SACM1L: variants seen among roughly 807,000 people sequenced by gnomAD.
SACM1L encodes SAC1 like phosphatidylinositide phosphatase, also known as phosphatidylinositol-3-phosphatase SAC1.
Under a neutral mutation model 89.5 loss-of-function variants are expected in SACM1L, and 32 were observed. That is an observed-to-expected ratio of 0.36 (90% CI 0.27 to 0.48). The LOEUF (loss-of-function observed/expected upper bound fraction) is 0.48, where lower values mean the gene tolerates loss of function less well. Among genes scored for constraint, SACM1L ranks in the 20% least tolerant of loss-of-function variants. The pLI is 0.99. For missense variants in SACM1L, 543 were observed against 708.5 expected (o/e 0.77, Z 2.65); for synonymous variants, 213 against 232.8 (o/e 0.92, Z 0.77).
chr3:45,704,424 A>G (rs1428732303), intron 2 of SACM1L, among the ~76,000 whole-genome samples: 2 of 152,084 alleles, frequency 1.3e-5, no homozygotes, highest in South Asian at 2.1e-4. Flanking sequence ...TACTATATAT[A>G]GTTTGTCTTT....
chr3:45,702,970 C>G (rs1443492185), intron 1 of SACM1L, among the ~76,000 whole-genome samples: 1 of 152,128 alleles, frequency 6.6e-6, no homozygotes, highest in Non-Finnish European at 1.5e-5. Flanking sequence ...GCTTACTATG[C>G]GTCAGATGTT....
At chr3:45,717,420 A>T (rs1698687031) in intron 7 of SACM1L, among the ~76,000 whole-genome samples, 1 of 152,218 alleles carries the variant, frequency 6.6e-6, no homozygotes, top group Non-Finnish European at 1.5e-5. Flanking sequence ...ATGTGATGAA[A>T]CTAAAAAGAT....
At chr3:45,698,621 G>A (rs1335517602) in intron 1 of SACM1L, among the ~76,000 whole-genome samples, 1 of 152,166 alleles carries the variant, frequency 6.6e-6, no homozygotes. Flanking sequence ...CGCAATCTCT[G>A]CTCACTGCAA....
intron 5 of SACM1L, among the ~76,000 whole-genome samples, chr3:45,710,625 A>G (rs917157374): frequency 8.6e-5 from 13 of 151,188 alleles, no homozygotes; most frequent in African/African-American, 3.2e-4. Flanking sequence ...TTTTTGACAC[A>G]CCTTAGAAGT....
intron 6 of SACM1L, chr3:45,713,661 A>G (rs1189318558): frequency 6.1e-6 from 1 of 164,030 alleles, no homozygotes; most frequent in African/African-American, 2.4e-5. Context: ...ATATTATTGA[A>G]TCTAGGTAAA....
chr3:45,703,505 G>T lies in SACM1L; in HGVS notation c.100G>T (p.Asp34Tyr). 6.2e-7 allele frequency: 1 copy of T among 1,613,002 alleles called. No homozygotes were observed. The highest frequency in any genetic ancestry group is 1.1e-5 in the South Asian group (1 of 90,968). ...TGGAGCAGATGACGTACTTACCATTGACCGTGTGTCCACAGAGGTTACCCT... is the reference window on the plus strand; with the variant it reads ...TGGAGCAGATGACGTACTTACCATTTACCGTGTGTCCACAGAGGTTACCCT... ...DDGADDVLTI[D>Y]RVSTEVTLAV... Residue 34 changes from aspartate to tyrosine, a missense_variant, in exon 2 of 20, where the codon GAC (aspartate) becomes TAC (tyrosine). Physicochemically the swap from Asp to Tyr is radical, Grantham distance 160. Transcript: ENST00000389061.
At chr3:45,719,429 T>C (rs1049314382) in intron 7 of SACM1L, 71 bp from the exon 8 acceptor site, 6 of 823,880 alleles carry the variant, frequency 7.3e-6, no homozygotes, top group Non-Finnish European at 1.1e-5. Context: ...TTAGGATAGA[T>C]AGATGCAAAC....
At chr3:45,694,401 T>C (rs1165440077) in intron 1 of SACM1L, among the ~76,000 whole-genome samples, 1 of 152,180 alleles carries the variant, frequency 6.6e-6, no homozygotes, top group Non-Finnish European at 1.5e-5. Flanking sequence ...ACACATATAA[T>C]CTGTTCAATA....
chr3:45,714,014 A>G lies in SACM1L; in HGVS notation c.544-32A>G, dbSNP rs543740378. 5 of 1,213,810 alleles carry G rather than the reference A, an allele frequency of 4.1e-6. No individual in the cohort carries two copies. The South Asian group carries it at 5.0e-5, about 12-fold the overall frequency. 75.2% of individuals were successfully genotyped at this position (1,213,810 alleles called of 1,614,324 possible). Reference sequence around the variant, plus strand: ...TATAATGCTTATTTATTTTTAAAGTATATTTATTCTAAATATATATCTTCA... The same window carrying G: ...TATAATGCTTATTTATTTTTAAAGTGTATTTATTCTAAATATATATCTTCA... On this transcript the variant is annotated intron_variant, in intron 6 of 19. Coordinates refer to ENST00000389061, the MANE Select transcript of SACM1L (RefSeq NM_014016.5).
chr3:45,721,288 G>A (rs532281891), intron 8 of SACM1L, among the ~76,000 whole-genome samples: 1 of 152,334 alleles, frequency 6.6e-6, no homozygotes, highest in African/African-American at 2.4e-5. Flanking sequence ...TTGGGAGGCC[G>A]AGGCAGGCAG....
intron 11 of SACM1L, among the ~76,000 whole-genome samples, chr3:45,726,161 T>C (rs1698912343): frequency 6.6e-6 from 1 of 152,132 alleles, no homozygotes; most frequent in African/African-American, 2.4e-5. Context: ...GTAGTTTTCT[T>C]GTAATATCTT....
intron 11 of SACM1L, 106 bp downstream of exon 11, chr3:45,723,649 G>A: frequency 2.6e-6 from 1 of 383,882 alleles, no homozygotes; most frequent in Admixed American, 4.5e-5. Context: ...GTGGCATTAA[G>A]TAGTTCATAA....
At chr3:45,722,797 C>A in intron 9 of SACM1L, 72 bp from the exon 10 acceptor site, 1 of 1,098,808 alleles carries the variant, frequency 9.1e-7, no homozygotes. Context: ...ATATATACAC[C>A]CCTGACAATA....
At chr3:45,705,495 A>C (rs1288036736) in intron 3 of SACM1L, among the ~76,000 whole-genome samples, 1 of 144,520 alleles carries the variant, frequency 6.9e-6, no homozygotes, top group African/African-American at 2.7e-5. Context: ...ATGTAAATAA[A>C]ATTTTTTTTT....
chr3:45,743,043 C>T (rs903150538), intron 19 of SACM1L: 1 of 152,064 alleles, frequency 6.6e-6, no homozygotes, highest in African/African-American at 2.4e-5. Context: ...ATATACATAA[C>T]TTCAGAAAAG....
intron 7 of SACM1L, among the ~76,000 whole-genome samples, chr3:45,717,116 C>T (rs975232372): frequency 1.3e-5 from 2 of 152,156 alleles, no homozygotes; most frequent in African/African-American, 2.4e-5. Context: ...ATTGGGAGCT[C>T]AAGAGGAGCC....
intron 2 of SACM1L, 40 bp downstream of exon 2, chr3:45,703,575 T>A (rs779548972): frequency 7.6e-7 from 1 of 1,315,560 alleles, no homozygotes; most frequent in Non-Finnish European, 1.1e-6. Context: ...GGAGAAAGAT[T>A]TTATACATAA....
intron 16 of SACM1L, 54 bp downstream of exon 16, chr3:45,737,898 C>A: frequency 6.9e-7 from 1 of 1,441,864 alleles, no homozygotes; most frequent in Non-Finnish European, 9.7e-7. Context: ...AGTCCTGGTG[C>A]TTTTAAAAAT....
intron 5 of SACM1L, among the ~76,000 whole-genome samples, chr3:45,712,238 T>A (rs1258134380): frequency 6.6e-6 from 1 of 151,898 alleles, no homozygotes; most frequent in African/African-American, 2.4e-5. Context: ...GTAGAGTCAG[T>A]TATTTTGTTT....
Sources: allele counts gnomAD v4.1 joint callset (sites outside exome capture counted in the v4.1 genomes callset), GRCh38; gene constraint gnomAD v4.1.1; transcripts MANE v1.5; gene names NCBI Gene and HGNC (gene_info 2026-07-23, HGNC 2026-07-21).